The following RAB3GAP1 variants were observed in gnomAD, a reference collection of about 807,000 sequenced individuals.
The protein encoded by RAB3GAP1 is RAB3 GTPase activating protein catalytic subunit 1.
In RAB3GAP1, 86 loss-of-function variants were observed where a neutral mutation model predicts 130.7. The ratio of observed to expected loss-of-function variants is 0.66; its 90% confidence interval spans 0.55 to 0.79. RAB3GAP1 has a LOEUF of 0.79. RAB3GAP1 is among the 30% of genes least tolerant of loss of function. The pLI, the probability that RAB3GAP1 is intolerant of heterozygous loss-of-function variation, is 0.00. For missense variants in RAB3GAP1, 1,029 were observed against 1,169.4 expected, an observed-to-expected ratio of 0.88 and a Z score of 1.75; for synonymous variants, 367 against 401.7, an observed-to-expected ratio of 0.91 and a Z score of 1.03.
At chr2:135,147,902 G>A (rs1236237573) in intron 17 of RAB3GAP1, among the ~76,000 whole-genome samples, 1 of 152,054 alleles carries the variant, frequency 6.6e-6, no homozygotes, top group African/African-American at 2.4e-5. Context: ...GTCTGAAAAA[G>A]TTATTTTGGA....
At chr2:135,123,114 T>C (rs142226757) in intron 8 of RAB3GAP1, among the ~76,000 whole-genome samples, 1 of 152,324 alleles carries the variant, frequency 6.6e-6, no homozygotes, top group East Asian at 1.9e-4. Flanking sequence ...AGTGATAAAG[T>C]TTGCATACAA....
intron 22 of RAB3GAP1, among the ~76,000 whole-genome samples, chr2:135,164,088 A>G (rs972872510): frequency 6.6e-6 from 1 of 152,192 alleles, no homozygotes; most frequent in African/African-American, 2.4e-5. Context: ...ACATACTTGG[A>G]AGTTCAGTGT....
At chr2:135,138,556 T>C (rs1277876832) in intron 17 of RAB3GAP1, among the ~76,000 whole-genome samples, 1 of 152,162 alleles carries the variant, frequency 6.6e-6, no homozygotes, top group Non-Finnish European at 1.5e-5. Context: ...ACTGTTTCTC[T>C]GCATTGATGT....
chr2:135,103,189 A>T (rs914023886), intron 5 of RAB3GAP1, among the ~76,000 whole-genome samples: 2 of 151,460 alleles, frequency 1.3e-5, no homozygotes, highest in African/African-American at 4.8e-5. Flanking sequence ...GGCATATGCC[A>T]CCAAGCCTGG....
In RAB3GAP1 at chr2:135,156,248, C is replaced by A. The variant is rs143061194; in HGVS notation, c.2289+2372C>A. The stretch of plus-strand genomic sequence containing the variant: ...GCCCAGATGGTTTCACAGGGAAATT[C>A]AACTAAATATCAAGAAACCATATAG... On this transcript the variant is annotated intron_variant, in intron 19 of 23. Transcript: ENST00000264158. 4.5e-3 allele frequency among the ~76,000 whole-genome samples: 679 copies of A among 152,178 alleles called. 3 individuals carry two copies. The highest frequency in any genetic ancestry group is 0.01 in the Middle Eastern group (3 of 294).
At chr2:135,156,327 A>G (rs376778507) in intron 19 of RAB3GAP1, among the ~76,000 whole-genome samples, 4 of 152,302 alleles carry the variant, frequency 2.6e-5, no homozygotes, top group African/African-American at 7.2e-5. Flanking sequence ...AAATTTTCCA[A>G]CTTCTCTCTG....
chr2:135,080,966 T>C (rs1689779790), intron 3 of RAB3GAP1, among the ~76,000 whole-genome samples: 1 of 152,188 alleles, frequency 6.6e-6, no homozygotes, highest in Admixed American at 6.5e-5. Context: ...CTGCGTTGTT[T>C]TTGTTCAATG....
intron 23 of RAB3GAP1, among the ~76,000 whole-genome samples, 195 bp downstream of exon 23, chr2:135,164,891 AATG>A (rs112522618): frequency 6.6e-5 from 10 of 152,216 alleles, no homozygotes; most frequent in African/African-American, 2.4e-4. Context: ...GTTGAATTAA[AATG>A]ATAAGTATAT....
At chr2:135,084,330 C>A (rs144735735) in intron 3 of RAB3GAP1, among the ~76,000 whole-genome samples, 4 of 152,306 alleles carry the variant, frequency 2.6e-5, no homozygotes, top group Admixed American at 6.5e-5. Context: ...TACAAGTCCC[C>A]ATGGGGTACA....
At chr2:135,101,204 A>C (rs1441481857) in intron 5 of RAB3GAP1, among the ~76,000 whole-genome samples, 1 of 152,178 alleles carries the variant, frequency 6.6e-6, no homozygotes, top group African/African-American at 2.4e-5. Flanking sequence ...TATTCATATA[A>C]TTTTTATTGT....
At chr2:135,161,391 GA>G (rs564120099) in intron 19 of RAB3GAP1, among the ~76,000 whole-genome samples, 1,656 of 151,746 alleles carry the variant, frequency 0.011, 34 homozygotes, top group African/African-American at 0.038. Flanking sequence ...AATACTGAAT[GA>G]AAAAAAGCAA....
intron 5 of RAB3GAP1, among the ~76,000 whole-genome samples, chr2:135,099,482 T>C (rs1690394058): frequency 6.6e-6 from 1 of 151,662 alleles, no homozygotes; most frequent in Non-Finnish European, 1.5e-5. Flanking sequence ...TGTGTATTGC[T>C]GTATTTGATA....
At chr2:135,126,876 C>G (rs1691364621) in intron 11 of RAB3GAP1, among the ~76,000 whole-genome samples, 1 of 151,814 alleles carries the variant, frequency 6.6e-6, no homozygotes. Context: ...CTTTTATTTA[C>G]TTTTTTTTAT....
chr2:135,101,247 A>G (rs1690440173), intron 5 of RAB3GAP1, among the ~76,000 whole-genome samples: 1 of 152,212 alleles, frequency 6.6e-6, no homozygotes, highest in Non-Finnish European at 1.5e-5. Context: ...CAAAAATTTC[A>G]AGGATACAGA....
Position 135,133,869 on chromosome 2 carries a change from C to CT in RAB3GAP1, c.1335_1336insT (p.Asn446Ter). On this transcript the variant is annotated frameshift_variant, in exon 15 of 24. Transcript: ENST00000264158. LOFTEE classifies it high-confidence loss of function. ...TATTTTGTTAAATTTAGAATCTCTA[C>CT]AATCAGTTCAAGTCTGCACCATCTG... 1 of 1,613,382 alleles carries CT rather than the reference C, an allele frequency of 6.2e-7. No individual in the cohort carries two copies. Among genetic ancestry groups the CT allele is most frequent in the Non-Finnish European group, 8.5e-7 (1 of 1,179,430 alleles).
chr2:135,145,095 G>T (rs535344936), intron 17 of RAB3GAP1, among the ~76,000 whole-genome samples: 11 of 152,158 alleles, frequency 7.2e-5, no homozygotes, highest in African/African-American at 2.4e-4. Context: ...CATAATATTT[G>T]TACATTTTTA....
chr2:135,174,924 G>A (rs531793972), downstream of RAB3GAP1, among the ~76,000 whole-genome samples: 20 of 152,320 alleles, frequency 1.3e-4, no homozygotes, highest in African/African-American at 4.1e-4. Context: ...GGGTTGGGAC[G>A]TGCCCTATCC....
At chr2:135,096,915 G>C (rs1337309752) in intron 5 of RAB3GAP1, among the ~76,000 whole-genome samples, 2 of 152,058 alleles carry the variant, frequency 1.3e-5, no homozygotes, top group Non-Finnish European at 2.9e-5. Context: ...TACATAGTTT[G>C]TGGTCAAAAT....
In RAB3GAP1 at chr2:135,058,014, T is replaced by C. The variant is rs760495553; in HGVS notation, c.78T>C (p.Phe26=). 9.3e-6 allele frequency: 15 copies of C among 1,609,710 alleles called. No individual in the cohort carries two copies. The highest frequency in any genetic ancestry group is 1.7e-4 in the Middle Eastern group (1 of 6,054). The part of the protein sequence containing the change: ...DFTTASEWER[F]ISKVEEVLND... ...AAGCTTTCTCCCTACTTCCTAGGTT[T>C]ATTTCCAAAGTTGAAGAAGTCTTGA... Residue 26 remains phenylalanine, a synonymous_variant, in exon 3 of 24, where the codon TTT becomes TTC. Transcript: ENST00000264158.
Sources: allele counts gnomAD v4.1 joint callset (sites outside exome capture counted in the v4.1 genomes callset), GRCh38; gene constraint gnomAD v4.1.1; transcripts MANE v1.5; gene names NCBI Gene and HGNC (gene_info 2026-07-23, HGNC 2026-07-21).